Variants in SPOCK3 observed in about 807,000 individuals in gnomAD.
The protein encoded by SPOCK3 is SPARC (osteonectin), cwcv and kazal like domains proteoglycan 3, also known as testican-3.
In SPOCK3, 30 loss-of-function variants were observed where a neutral mutation model predicts 56.6. The ratio of observed to expected loss-of-function variants is 0.53; its 90% confidence interval spans 0.40 to 0.72. SPOCK3 has a LOEUF of 0.72. Ranked by LOEUF, SPOCK3 falls within the 30% of genes least tolerant of loss-of-function variation. The probability of loss-of-function intolerance (pLI) is 0.00; values close to 1 mark genes in which losing one functional copy is unlikely to be tolerated. For synonymous variants in SPOCK3, 196 were observed against 183.3 expected (o/e 1.07, Z -0.56); for missense variants, 527 against 530.0 (o/e 0.99, Z 0.06).
chr4:166,941,194 G>C (rs10028687), intron 4 of SPOCK3, among the ~76,000 whole-genome samples: 7,208 of 151,910 alleles, frequency 0.047, 261 homozygotes, highest in African/African-American at 0.087. Flanking sequence ...CAAGAATGTA[G>C]AAAAAAGCTG....
chr4:166,845,470 A>C (rs1401562054), intron 6 of SPOCK3, among the ~76,000 whole-genome samples: 2 of 152,292 alleles, frequency 1.3e-5, no homozygotes, highest in African/African-American at 4.8e-5. Context: ...ATAACTTATA[A>C]TCTTATATTT....
chr4:166,875,891 G>C (rs1209205135), intron 6 of SPOCK3, among the ~76,000 whole-genome samples: 2 of 152,190 alleles, frequency 1.3e-5, no homozygotes. Flanking sequence ...AAAGAATGTA[G>C]ACAGTTTACT....
intron 6 of SPOCK3, among the ~76,000 whole-genome samples, chr4:166,832,723 T>C (rs1348214521): frequency 1.3e-5 from 2 of 152,170 alleles, no homozygotes; most frequent in Non-Finnish European, 2.9e-5. Context: ...TATGCAGTCA[T>C]GAAAAAGAAC....
chr4:166,870,406 A>C (rs1732330827), intron 6 of SPOCK3, among the ~76,000 whole-genome samples: 1 of 152,054 alleles, frequency 6.6e-6, no homozygotes, highest in Non-Finnish European at 1.5e-5. Flanking sequence ...CCAAACCCAA[A>C]TTCTTCTAAA....
chr4:166,893,079 G>A (rs567613612), intron 5 of SPOCK3, among the ~76,000 whole-genome samples: 12 of 152,124 alleles, frequency 7.9e-5, no homozygotes, highest in African/African-American at 2.6e-4. Context: ...AGGCAGAAGG[G>A]AGAGTGATTG....
At chr4:167,120,059 G>A (rs1761741023) in intron 2 of SPOCK3, among the ~76,000 whole-genome samples, 1 of 151,894 alleles carries the variant, frequency 6.6e-6, no homozygotes, top group African/African-American at 2.4e-5. Context: ...CTATAAATAA[G>A]GGTCATAAAC....
intron 6 of SPOCK3, among the ~76,000 whole-genome samples, chr4:166,820,826 A>T (rs559274670): frequency 1.6e-4 from 25 of 152,138 alleles, no homozygotes; most frequent in Middle Eastern, 3.4e-3. Context: ...CAAAATTTTT[A>T]AAAAAATAAT....
At chr4:166,910,120 T>C (rs990018617) in intron 5 of SPOCK3, among the ~76,000 whole-genome samples, 2 of 152,154 alleles carry the variant, frequency 1.3e-5, no homozygotes, top group Admixed American at 6.6e-5. Context: ...ACTTAGTTTT[T>C]CATTGTTTTA....
chr4:166,795,238 A>C (rs1311773268), intron 6 of SPOCK3, among the ~76,000 whole-genome samples: 1 of 152,150 alleles, frequency 6.6e-6, no homozygotes, highest in Non-Finnish European at 1.5e-5. Context: ...CCTAATTTAA[A>C]ACAATTTCTA....
At chr4:166,766,224 G>C (rs1438778235) in intron 7 of SPOCK3, among the ~76,000 whole-genome samples, 1 of 152,200 alleles carries the variant, frequency 6.6e-6, no homozygotes, top group South Asian at 2.1e-4. Context: ...CCAACACTAT[G>C]TTGAATAGGA....
At chr4:167,128,559 T>C (rs1376449564) in intron 2 of SPOCK3, among the ~76,000 whole-genome samples, 1 of 152,142 alleles carries the variant, frequency 6.6e-6, no homozygotes, top group African/African-American at 2.4e-5. Context: ...AGACAAACAG[T>C]GTTCAACCAT....
chr4:167,157,069 A>C (rs931275156), intron 2 of SPOCK3, among the ~76,000 whole-genome samples: 2 of 152,124 alleles, frequency 1.3e-5, no homozygotes, highest in Admixed American at 1.3e-4. Context: ...GAAGTACAGA[A>C]AATATAATAT....
At chr4:167,213,002 C>A (rs952233681) in intron 2 of SPOCK3, among the ~76,000 whole-genome samples, 35 of 152,128 alleles carry the variant, frequency 2.3e-4, no homozygotes, top group African/African-American at 8.4e-4. Flanking sequence ...TGGCCACTAC[C>A]CCGTCTGTAG....
intron 7 of SPOCK3, 102 bp downstream of exon 7, chr4:166,792,068 G>A (rs1741416854): frequency 3.1e-6 from 4 of 1,285,436 alleles, no homozygotes; most frequent in Non-Finnish European, 4.4e-6. Context: ...CAGTATATAT[G>A]CAGTGAATAA....
rs552272570 is a variant in SPOCK3, at chr4:167,218,477, C to G, written c.189+15508G>C. The stretch of plus-strand genomic sequence containing the variant: ...AACATAAGACTTCTTGTAGCAAAGC[C>G]AGGTAGCTTTCAGTGACTCAAAGCA... On this transcript the variant is annotated intron_variant, in intron 2 of 10. Coordinates refer to ENST00000357545, the MANE Select transcript of SPOCK3 (RefSeq NM_001040159.2). Among the ~76,000 whole-genome samples the G allele has an allele frequency of 8.5e-5, 13 of 152,256 alleles. No individual in the cohort carries two copies. In the East Asian group the frequency reaches 2.5e-3, roughly 29 times the overall value.
chr4:167,088,266 C>A (rs1171019376), intron 2 of SPOCK3, among the ~76,000 whole-genome samples: 1 of 152,028 alleles, frequency 6.6e-6, no homozygotes, highest in Non-Finnish European at 1.5e-5. Context: ...TTGGGTTAAA[C>A]CTCAGAATTT....
Position 166,840,786 on chromosome 4 carries a change from T to TTTTTTTTTG in SPOCK3, c.589+48343_589+48344insCAAAAAAAA, listed in dbSNP as rs1169098516. Among the ~76,000 whole-genome samples, 12 of 142,428 alleles carry TTTTTTTTTG rather than the reference T, an allele frequency of 8.4e-5. 2 individuals carry two copies. Among genetic ancestry groups the TTTTTTTTTG allele is most frequent in the Non-Finnish European group, 3.0e-5 (2 of 65,768 alleles). 93.4% of individuals were successfully genotyped at this position (142,428 alleles called of 152,430 possible). A position where few individuals can be genotyped will look rare whatever the true frequency, so the allele number is the denominator to read the frequency against. On this transcript the variant is annotated intron_variant, in intron 6 of 10. Coordinates refer to ENST00000357545, the MANE Select transcript of SPOCK3 (RefSeq NM_001040159.2). ...AGAAGCAAAAGTTTTTTTTTTTTTT[T>TTTTTTTTTG]TTTTTTTTTTTAGATGCAGTCTCGC...
At chr4:166,949,171 C>T (rs1347164374) in intron 4 of SPOCK3, among the ~76,000 whole-genome samples, 8 of 152,162 alleles carry the variant, frequency 5.3e-5, no homozygotes, top group Non-Finnish European at 7.3e-5. Context: ...ACGTAGTTCT[C>T]GAGCCTTGGC....
intron 6 of SPOCK3, 76 bp from the exon 7 acceptor site, chr4:166,792,365 A>T (rs1741452255): frequency 1.3e-6 from 2 of 1,509,870 alleles, no homozygotes; most frequent in Non-Finnish European, 1.8e-6. Context: ...CATTAGTCCA[A>T]TAAACTGAAA....
Sources: gnomAD v4.1 joint callset for allele counts (sites outside exome capture counted in the v4.1 genomes callset) on GRCh38, gnomAD v4.1.1 for gene constraint, MANE v1.5 for transcripts, NCBI Gene and HGNC (gene_info 2026-07-23, HGNC 2026-07-21) for gene names.